Variants in DPP6 observed in about 807,000 individuals in gnomAD.
The protein encoded by DPP6 is dipeptidyl peptidase like 6.
In DPP6, 69 loss-of-function variants were observed where a neutral mutation model predicts 122.6. That is an observed-to-expected ratio of 0.56 (90% CI 0.46 to 0.69). The LOEUF (loss-of-function observed/expected upper bound fraction) is 0.69. Among genes scored for constraint, DPP6 ranks in the 30% least tolerant of loss-of-function variants. The pLI is 0.00. For missense variants in DPP6, 928 were observed against 1,116.9 expected, an observed-to-expected ratio of 0.83 and a Z score of 2.41; for synonymous variants, 418 against 433.1, an observed-to-expected ratio of 0.97 and a Z score of 0.43.
chr7:154,189,371 C>T (rs1021127640), intron 1 of DPP6, among the ~76,000 whole-genome samples: 16 of 152,166 alleles, frequency 1.1e-4, no homozygotes, highest in Admixed American at 5.9e-4. Context: ...AATACCCCTA[C>T]GTAGTGTTTG....
chr7:154,582,612 C>T (rs1220929941), intron 5 of DPP6, among the ~76,000 whole-genome samples: 1 of 152,232 alleles, frequency 6.6e-6, no homozygotes, highest in Non-Finnish European at 1.5e-5. Context: ...TGCCACTTCA[C>T]CTTCTCATCT....
the DPP6 span, among the ~76,000 whole-genome samples, chr7:153,863,745 C>G: frequency 2.0e-5 from 3 of 152,122 alleles, no homozygotes; most frequent in Non-Finnish European, 4.4e-5. Flanking sequence ...TCCTACTCCC[C>G]AGACCAAGCA....
At chr7:153,896,994 AT>A (rs147338727) in intron 1 of DPP6, among the ~76,000 whole-genome samples, 2,745 of 152,010 alleles carry the variant, frequency 0.018, 46 homozygotes, top group African/African-American at 0.046. Flanking sequence ...TTGTGCATCT[AT>A]TTTTTTAAGA....
At chr7:154,288,455 C>T (rs1804993445) in intron 1 of DPP6, among the ~76,000 whole-genome samples, 1 of 152,238 alleles carries the variant, frequency 6.6e-6, no homozygotes, top group Non-Finnish European at 1.5e-5. Flanking sequence ...TACTGACCAG[C>T]TGTGTGACCT....
chr7:154,398,797 T>C (rs1443212773), intron 1 of DPP6, among the ~76,000 whole-genome samples: 1 of 152,192 alleles, frequency 6.6e-6, no homozygotes, highest in Admixed American at 6.5e-5. Context: ...ACCTTGTTCA[T>C]TTATCACTTC....
intron 1 of DPP6, among the ~76,000 whole-genome samples, chr7:154,252,722 G>A (rs1802428757): frequency 6.6e-6 from 1 of 152,218 alleles, no homozygotes; most frequent in Non-Finnish European, 1.5e-5. Context: ...GTCCAAATGA[G>A]TTGGAAAAGT....
rs920373199 is a variant in DPP6 at position 154,483,954 on chromosome 7, A to G, written c.457+8917A>G. On this transcript the variant is annotated intron_variant, in intron 3 of 25. Transcript: ENST00000377770. The surrounding 1 kb of genome is among the most constrained non-coding windows in gnomAD (Gnocchi z 8.1). Reference sequence around the variant, plus strand: ...GTGATCTGCCCGCCTCAGCCTCCCAAAGTGTTGGGATTACAGATGTGAGCC... The same window carrying G: ...GTGATCTGCCCGCCTCAGCCTCCCAGAGTGTTGGGATTACAGATGTGAGCC... 6.6e-6 allele frequency among the ~76,000 whole-genome samples: 1 copy of G among 152,110 alleles called. No homozygotes were observed. The highest frequency in any genetic ancestry group is 1.9e-4 in the East Asian group (1 of 5,186).
chr7:153,763,840 TG>T, the DPP6 span, among the ~76,000 whole-genome samples: 1 of 152,216 alleles, frequency 6.6e-6, no homozygotes, highest in African/African-American at 2.4e-5. Context: ...TGAGCTACTT[TG>T]TATAGGCATC....
chr7:153,870,001 A>G, the DPP6 span, among the ~76,000 whole-genome samples: 1 of 152,196 alleles, frequency 6.6e-6, no homozygotes, highest in Non-Finnish European at 1.5e-5. Context: ...TGGCTTGTAG[A>G]GTTTCTGCTG....
At chr7:154,568,002 T>C (rs112958883) in intron 5 of DPP6, among the ~76,000 whole-genome samples, 2,225 of 152,356 alleles carry the variant, frequency 0.015, 28 homozygotes, top group South Asian at 0.037. Flanking sequence ...TTTTTCTATT[T>C]TTAAATGTCC....
intron 1 of DPP6, among the ~76,000 whole-genome samples, chr7:154,201,196 C>T (rs1012314496): frequency 3.2e-4 from 48 of 150,292 alleles, no homozygotes; most frequent in Admixed American, 1.2e-3. Flanking sequence ...GGTGCGATCT[C>T]GGCTAACTGC....
chr7:153,955,460 A>G (rs1274534968), intron 1 of DPP6, among the ~76,000 whole-genome samples: 3 of 152,138 alleles, frequency 2.0e-5, no homozygotes, highest in Non-Finnish European at 4.4e-5. Flanking sequence ...TTATTTTGAG[A>G]TGGAGTCTTG....
intron 1 of DPP6, among the ~76,000 whole-genome samples, chr7:154,377,352 C>T (rs1813215540): frequency 6.6e-6 from 1 of 152,158 alleles, no homozygotes; most frequent in South Asian, 2.1e-4. Flanking sequence ...TTGGCCCACA[C>T]AGAGCGGTAG....
chr7:153,984,401 A>G (rs376909250), intron 1 of DPP6, among the ~76,000 whole-genome samples: 1 of 152,238 alleles, frequency 6.6e-6, no homozygotes, highest in Non-Finnish European at 1.5e-5. Context: ...ATTACCAGAA[A>G]TCAACCCCCA....
At chr7:154,508,970 A>G (rs941776644) in intron 3 of DPP6, among the ~76,000 whole-genome samples, 8 of 152,206 alleles carry the variant, frequency 5.3e-5, no homozygotes, top group African/African-American at 1.9e-4. Flanking sequence ...CACACCATAG[A>G]TAAAAATTAA....
At chr7:153,810,671 CCTCTCTCTCTCTCTCTCTCTCT>C in the DPP6 span, among the ~76,000 whole-genome samples, 1 of 124,632 alleles carries the variant, frequency 8.0e-6, no homozygotes, top group African/African-American at 3.3e-5. Context: ...CTCTCTCTCT[CCTCTCTCTCTCTCTCTCTCTCT>C]CTCTCTCTCT....
intron 1 of DPP6, among the ~76,000 whole-genome samples, chr7:154,278,042 G>T (rs1804254686): frequency 6.6e-6 from 1 of 152,162 alleles, no homozygotes; most frequent in East Asian, 1.9e-4. Flanking sequence ...CGACAGATGT[G>T]GTTCAGCCAC....
At chr7:154,578,974 A>T (rs999600845) in intron 5 of DPP6, among the ~76,000 whole-genome samples, 20 of 152,190 alleles carry the variant, frequency 1.3e-4, no homozygotes, top group African/African-American at 4.6e-4. Context: ...TCCATAATCT[A>T]GCTCTCCACC....
intron 8 of DPP6, among the ~76,000 whole-genome samples, chr7:154,738,892 A>G (rs492662): frequency 0.71 from 107,669 of 152,044 alleles, 38,708 homozygotes; most frequent in African/African-American, 0.83. Context: ...CAAAAAACAA[A>G]CAAAAGCAAA....
Sources: allele counts gnomAD v4.1 joint callset (sites outside exome capture counted in the v4.1 genomes callset), GRCh38; gene constraint gnomAD v4.1.1; non-coding constraint Gnocchi (gnomAD v3.1); transcripts MANE v1.5; gene names NCBI Gene and HGNC (gene_info 2026-07-23, HGNC 2026-07-21).